Variants in ZSCAN18 observed in about 807,000 individuals in gnomAD.
ZSCAN18 encodes the protein zinc finger and SCAN domain-containing protein 18.
In ZSCAN18, 16 loss-of-function variants were observed where a neutral mutation model predicts 31.1. The ratio of observed to expected loss-of-function variants is 0.51; its 90% confidence interval spans 0.35 to 0.78. ZSCAN18 has a LOEUF of 0.78. Ranked by LOEUF, ZSCAN18 falls within the 30% of genes least tolerant of loss-of-function variation. ZSCAN18 has a pLI of 0.01. For synonymous variants in ZSCAN18, 375 were observed against 320.7 expected, an observed-to-expected ratio of 1.17 and a Z score of -1.81; for missense variants, 731 against 697.4, an observed-to-expected ratio of 1.05 and a Z score of -0.54.
chr19:58,087,432 G>A (rs1467961220), intron 3 of ZSCAN18, 28 bp from the exon 4 acceptor site: 1 of 1,573,618 alleles, frequency 6.4e-7, no homozygotes, highest in Non-Finnish European at 8.6e-7. Context: ...CAGAGCTGAG[G>A]CAATGAGCTC....
chr19:58,113,198 C>T (rs1454745841), intron 1 of ZSCAN18, among the ~76,000 whole-genome samples: 1 of 151,600 alleles, frequency 6.6e-6, no homozygotes, highest in Non-Finnish European at 1.5e-5. Flanking sequence ...CACCTGTAGT[C>T]CCAGCTACTC....
chr19:58,099,204 T>C (rs145683281), upstream of ZSCAN18, among the ~76,000 whole-genome samples: 618 of 152,268 alleles, frequency 4.1e-3, 3 homozygotes, highest in African/African-American at 0.014. Flanking sequence ...ACCAACAAAC[T>C]CGGGACAAAG....
intron 3 of ZSCAN18, 161 bp downstream of exon 3, chr19:58,088,527 G>A (rs868489340): frequency 5.4e-5 from 35 of 649,428 alleles, no homozygotes; most frequent in Middle Eastern, 8.5e-4. Context: ...AATAAACAAT[G>A]TCTAACATTC....
At chr19:58,111,387 C>T (rs1282727130) in intron 1 of ZSCAN18, among the ~76,000 whole-genome samples, 6 of 152,092 alleles carry the variant, frequency 3.9e-5, no homozygotes, top group Non-Finnish European at 8.8e-5. Flanking sequence ...CATTCTGCTA[C>T]CCTGGCAGGA....
At position 58,087,409 on chromosome 19, in the gene ZSCAN18, G is replaced by A. The variant is rs1224453117; in HGVS notation, c.554-5C>T. On this transcript the variant is annotated splice_polypyrimidine_tract_variant and splice_region_variant and intron_variant, in intron 3 of 6. Transcript: ENST00000601144. ...GGGGGTCCGGAGAAAGCCAGGCTGG[G>A]GAGAAGGAGAGGCAGAGCTGAGGCA... is the stretch of plus-strand genomic sequence containing the variant. 1.3e-5 allele frequency: 20 copies of A among 1,595,920 alleles called. No individual in the cohort carries two copies. Among genetic ancestry groups the A allele is most frequent in the Non-Finnish European group, 1.6e-5 (19 of 1,170,472 alleles).
intron 6 of ZSCAN18, 46 bp from the exon 7 acceptor site, chr19:58,085,425 A>G: frequency 6.8e-7 from 1 of 1,477,630 alleles, no homozygotes; most frequent in Non-Finnish European, 9.0e-7. Context: ...GCCCAGGGCC[A>G]GGGAGAGGAG....
chr19:58,096,670 G>A (rs1253205660), intron 1 of ZSCAN18, among the ~76,000 whole-genome samples: 1 of 152,174 alleles, frequency 6.6e-6, no homozygotes, highest in Non-Finnish European at 1.5e-5. Flanking sequence ...CACACTCATC[G>A]GCAGGGTCTA....
At chr19:58,102,705 A>AT, upstream of ZSCAN18, among the ~76,000 whole-genome samples, 1 of 151,412 alleles carries the variant, frequency 6.6e-6, no homozygotes, top group Non-Finnish European at 1.5e-5. Context: ...CAGCAACAAG[A>AT]TTTTTTCCTT....
chr19:58,092,916 G>A (rs1342077594), intron 1 of ZSCAN18: 1 of 155,968 alleles, frequency 6.4e-6, no homozygotes, highest in Non-Finnish European at 1.4e-5. Context: ...TAGGACTAAA[G>A]GTGCACATCA....
intron 1 of ZSCAN18, among the ~76,000 whole-genome samples, chr19:58,114,820 T>C (rs1279798789): frequency 6.6e-6 from 1 of 152,160 alleles, no homozygotes; most frequent in Non-Finnish European, 1.5e-5. Flanking sequence ...CTTGTCAAAA[T>C]ATAAAGTAGG....
chr19:58,110,799 C>A (rs1017138526), intron 1 of ZSCAN18, among the ~76,000 whole-genome samples: 4 of 152,168 alleles, frequency 2.6e-5, no homozygotes, highest in Non-Finnish European at 5.9e-5. Flanking sequence ...CTCACTGAGT[C>A]TTTAGATGTA....
chr19:58,100,778 G>A (rs541872133), upstream of ZSCAN18, among the ~76,000 whole-genome samples: 1 of 151,960 alleles, frequency 6.6e-6, no homozygotes, highest in Non-Finnish European at 1.5e-5. Flanking sequence ...AGCTGCTCGA[G>A]AGGCTGAGGC....
intron 2 of ZSCAN18, among the ~76,000 whole-genome samples, chr19:58,089,289 C>T (rs1448400786): frequency 4.1e-5 from 4 of 97,628 alleles, no homozygotes; most frequent in East Asian, 3.3e-4. Flanking sequence ...GGCGACAGAG[C>T]GAGACTCCGT....
chr19:58,094,254 A>T (rs1452204770), intron 1 of ZSCAN18, among the ~76,000 whole-genome samples: 14 of 142,058 alleles, frequency 9.9e-5, no homozygotes, highest in Admixed American at 2.9e-4. Context: ...AAAAAAAAAT[A>T]ATAATAATTA....
intron 1 of ZSCAN18, among the ~76,000 whole-genome samples, chr19:58,112,339 C>A (rs1210762563): frequency 1.3e-5 from 2 of 152,122 alleles, no homozygotes; most frequent in South Asian, 2.1e-4. Flanking sequence ...CTAGCCCCAA[C>A]ACCCTGGCAT....
chr19:58,089,126 AC>A, intron 2 of ZSCAN18, among the ~76,000 whole-genome samples: 1 of 149,090 alleles, frequency 6.7e-6, no homozygotes, highest in East Asian at 2.0e-4. Flanking sequence ...AAACGGTGAA[AC>A]CCCGTCTCTA....
upstream of ZSCAN18, chr19:58,098,403 C>A: frequency 1.0e-6 from 1 of 984,826 alleles, no homozygotes; most frequent in Non-Finnish European, 1.2e-6. Context: ...CCGGCGCCTG[C>A]GTCATTTTGG....
At chr19:58,104,943 C>T (rs1436748090) in intron 1 of ZSCAN18, among the ~76,000 whole-genome samples, 1 of 152,166 alleles carries the variant, frequency 6.6e-6, no homozygotes. Context: ...GGAAGAAATG[C>T]CAGGTAGTGT....
chr19:58,083,948 A>G lies in ZSCAN18; in HGVS notation c.*737T>C, dbSNP rs1472950663. ...CCAGCAAGAAATGTCTTACATTGCA[A>G]CCAGTTCTCACATTTAGATGTATGG... On this transcript the variant is annotated 3_prime_UTR_variant, in exon 7 of 7. Transcript: ENST00000601144. 1.3e-5 allele frequency: 2 copies of G among 152,268 alleles called. No homozygotes were observed. Among genetic ancestry groups the G allele is most frequent in the African/African-American group, 4.8e-5 (2 of 41,460 alleles). The allele number at this position is 152,268 out of a possible 1,614,324, so 9.4% of individuals were successfully genotyped here. A position where few individuals can be genotyped will look rare whatever the true frequency, so the allele number is the denominator to read the frequency against.
Sources: allele counts gnomAD v4.1 joint callset (sites outside exome capture counted in the v4.1 genomes callset), GRCh38; gene constraint gnomAD v4.1.1; transcripts MANE v1.5; gene names NCBI Gene and HGNC (gene_info 2026-07-23, HGNC 2026-07-21).